Variants in KCNQ1OT1 observed in about 807,000 individuals in gnomAD.
The protein encoded by KCNQ1OT1 is KCNQ1 antisense RNA 2 (non-protein coding).
Position 2,647,238 on chromosome 11 carries a change from T to A in KCNQ1OT1, n.52757A>T, listed in dbSNP as rs1849680334. ...CTGCATCTATTGAGATGATCATGTATTTTTTTGTCCTTCCTTCTGTTAATG... is the reference window on the plus strand; with the variant it reads ...CTGCATCTATTGAGATGATCATGTAATTTTTTGTCCTTCCTTCTGTTAATG... On this transcript the variant is annotated non_coding_transcript_exon_variant, in exon 1 of 1. Coordinates refer to ENST00000597346, the Ensembl canonical transcript of KCNQ1OT1. The surrounding 1 kb of genome is among the most constrained non-coding windows in gnomAD (Gnocchi z 4.0). 2.5e-6 allele frequency: 1 copy of A among 398,346 alleles called. No homozygotes were observed. Among genetic ancestry groups the A allele is most frequent in the Admixed American group, 4.4e-5 (1 of 22,704 alleles). 24.7% of individuals were successfully genotyped at this position (398,346 alleles called of 1,614,324 possible). A position where few individuals can be genotyped will look rare whatever the true frequency, so the allele number is the denominator to read the frequency against.
In KCNQ1OT1 at chr11:2,628,910, A is replaced by T. The variant is rs189671984; in HGVS notation, n.71085T>A. 4.5e-5 allele frequency: 18 copies of T among 398,362 alleles called. No homozygotes were observed. The Admixed American group carries it at 6.6e-4, about 15-fold the overall frequency. The allele number at this position is 398,362 out of a possible 1,614,324, so 24.7% of individuals were successfully genotyped here. A position where few individuals can be genotyped will look rare whatever the true frequency, so the allele number is the denominator to read the frequency against. ...TGTGTACTCTTGGTGTCTTTGTCAA[A>T]GATTAGTTGACCATAAATGTGTGGG... is the stretch of plus-strand genomic sequence containing the variant. On this transcript the variant is annotated non_coding_transcript_exon_variant, in exon 1 of 1. Coordinates refer to ENST00000597346, the Ensembl canonical transcript of KCNQ1OT1.
In KCNQ1OT1 at chr11:2,617,141, T is replaced by C. The variant is rs1382602812; in HGVS notation, n.82854A>G. 2.5e-6 allele frequency: 1 copy of C among 398,274 alleles called. No homozygotes were observed. The highest frequency in any genetic ancestry group is 4.4e-6 in the Non-Finnish European group (1 of 225,932). 24.7% of individuals were successfully genotyped at this position (398,274 alleles called of 1,614,324 possible). On this transcript the variant is annotated non_coding_transcript_exon_variant, in exon 1 of 1. Coordinates refer to ENST00000597346, the Ensembl canonical transcript of KCNQ1OT1. The surrounding 1 kb of genome is among the most constrained non-coding windows in gnomAD (Gnocchi z 4.6). ...AAAATTCCAAATGCAATATACTAAC[T>C]ATTCTCATGTTCTACATGAGATCTC...
Position 2,664,901 on chromosome 11 carries a change from C to G in KCNQ1OT1, n.35094G>C. On this transcript the variant is annotated non_coding_transcript_exon_variant, in exon 1 of 1. Transcript: ENST00000597346. This position sits in a 1 kb window ranked among gnomAD's most constrained non-coding sequence, Gnocchi z 5.1. Reference sequence around the variant, plus strand: ...ACATAAATAAAGACACATTTTGTTTCCATCTCGAGCTCTCCCCGCCCGCAG... The same window carrying G: ...ACATAAATAAAGACACATTTTGTTTGCATCTCGAGCTCTCCCCGCCCGCAG... The G allele has an allele frequency of 2.5e-6, 1 of 398,674 alleles. No individual in the cohort carries two copies. The highest frequency in any genetic ancestry group is 4.4e-6 in the Non-Finnish European group (1 of 226,086). 24.7% of individuals were successfully genotyped at this position (398,674 alleles called of 1,614,324 possible).
At chr11:2,616,926 T>G (rs1181170485) in exon 1 of KCNQ1OT1, 2 of 397,846 alleles carry the variant, frequency 5.0e-6, no homozygotes, top group Non-Finnish European at 8.9e-6. Flanking sequence ...TCTCTTTTCT[T>G]ATTGGGCTTC....
chr11:2,692,661 G>A (rs910710883), exon 1 of KCNQ1OT1: 8 of 398,522 alleles, frequency 2.0e-5, no homozygotes, highest in African/African-American at 1.0e-4. Flanking sequence ...GGGTGCAAAC[G>A]GTCCTTCAAC....
At chr11:2,646,401 A>G (rs1849666425) in exon 1 of KCNQ1OT1, 2 of 398,430 alleles carry the variant, frequency 5.0e-6, no homozygotes, top group Admixed American at 4.4e-5. Flanking sequence ...TATAGTTTTC[A>G]TTGTGGAAAT....
exon 1 of KCNQ1OT1, chr11:2,632,503 T>C: frequency 2.5e-6 from 1 of 398,448 alleles, no homozygotes; most frequent in East Asian, 3.6e-5. Flanking sequence ...GTTTTTCTTC[T>C]AGGAGTCTTT....
exon 1 of KCNQ1OT1, chr11:2,609,245 G>A: frequency 5.0e-6 from 2 of 398,180 alleles, no homozygotes; most frequent in Non-Finnish European, 8.9e-6. Flanking sequence ...TAATCTCAAA[G>A]TACGTTCCAT....
In KCNQ1OT1 at chr11:2,699,735, C is replaced by T. The variant is rs1034860229; in HGVS notation, n.260G>A. ...GCCGAGGAGTCCCCGGGGAGAACTG[C>T]GCCGAGGAGCCCCCAGAAGAGCGCC... On this transcript the variant is annotated non_coding_transcript_exon_variant, in exon 1 of 1. Transcript: ENST00000597346. 8 of 344,510 alleles carry T rather than the reference C, an allele frequency of 2.3e-5. No individual in the cohort carries two copies. The East Asian group carries it at 2.6e-4, about 11-fold the overall frequency. The allele number at this position is 344,510 out of a possible 1,614,324, so 21.3% of individuals were successfully genotyped here.
Position 2,611,064 on chromosome 11 carries a change from T to A in KCNQ1OT1, n.88931A>T, listed in dbSNP as rs1337193808. 5.0e-6 allele frequency: 2 copies of A among 398,434 alleles called. No homozygotes were observed. Among genetic ancestry groups the A allele is most frequent in the Non-Finnish European group, 8.8e-6 (2 of 226,070 alleles). The allele number at this position is 398,434 out of a possible 1,614,324, so 24.7% of individuals were successfully genotyped here. Reference sequence around the variant, plus strand: ...AGTTTTATTTCATATACTTCAGGGCTGTGTTTTTAGCTGTTATAAATTTTT... The same window carrying A: ...AGTTTTATTTCATATACTTCAGGGCAGTGTTTTTAGCTGTTATAAATTTTT... On this transcript the variant is annotated non_coding_transcript_exon_variant, in exon 1 of 1. Transcript: ENST00000597346. The surrounding 1 kb of genome is among the most constrained non-coding windows in gnomAD (Gnocchi z 5.3).
chr11:2,649,919 C>T (rs1181808597), exon 1 of KCNQ1OT1: 17 of 398,292 alleles, frequency 4.3e-5, no homozygotes, highest in Non-Finnish European at 6.2e-5. Context: ...CTGGAACTCC[C>T]AAAATGTGAA....
exon 1 of KCNQ1OT1, chr11:2,634,955 T>C (rs1416205233): frequency 7.2e-5 from 11 of 152,350 alleles, no homozygotes; most frequent in Admixed American, 1.3e-4. Flanking sequence ...TTTTTTCATG[T>C]GTCTTTTGGC....
In KCNQ1OT1 at chr11:2,687,048, G is replaced by C. The variant is rs1850501886; in HGVS notation, n.12947C>G. ...CTAAAACTCAGCAGTCCCAGCTCTG[G>C]GGGACAAGGACCCACAAAGTGATGC... On this transcript the variant is annotated non_coding_transcript_exon_variant, in exon 1 of 1. Coordinates refer to ENST00000597346, the Ensembl canonical transcript of KCNQ1OT1. The surrounding 1 kb of genome is among the most constrained non-coding windows in gnomAD (Gnocchi z 5.0). 5.0e-6 allele frequency: 2 copies of C among 398,534 alleles called. No individual in the cohort carries two copies. Among genetic ancestry groups the C allele is most frequent in the Admixed American group, 4.4e-5 (1 of 22,720 alleles). 24.7% of individuals were successfully genotyped at this position (398,534 alleles called of 1,614,324 possible).
rs558673037 is a variant in KCNQ1OT1, at chr11:2,674,937, G to A, written n.25058C>T. On this transcript the variant is annotated non_coding_transcript_exon_variant, in exon 1 of 1. Transcript: ENST00000597346. The surrounding 1 kb of genome is among the most constrained non-coding windows in gnomAD (Gnocchi z 5.9). ...CAGCTGCAGAGTTTTTCCAGGCCTC[G>A]CTTCTGGGGCTGACTGGAGCTGTTT... The A allele has an allele frequency of 1.0e-5, 4 of 396,714 alleles. No homozygotes were observed. In the South Asian group the frequency reaches 3.9e-4, roughly 38 times the overall value. 24.6% of individuals were successfully genotyped at this position (396,714 alleles called of 1,614,324 possible). A position where few individuals can be genotyped will look rare whatever the true frequency, so the allele number is the denominator to read the frequency against.
Position 2,624,465 on chromosome 11 carries a change from G to A in KCNQ1OT1, n.75530C>T. ...TATTTCTTTCATGAATCATGCCTTTGGTGTCATATCTAAAAAGCCATCACC... is the reference window on the plus strand; with the variant it reads ...TATTTCTTTCATGAATCATGCCTTTAGTGTCATATCTAAAAAGCCATCACC... On this transcript the variant is annotated non_coding_transcript_exon_variant, in exon 1 of 1. Transcript: ENST00000597346. This position sits in a 1 kb window ranked among gnomAD's most constrained non-coding sequence, Gnocchi z 4.9. 1 of 398,206 alleles carries A rather than the reference G, an allele frequency of 2.5e-6. No homozygotes were observed. The highest frequency in any genetic ancestry group is 4.4e-6 in the Non-Finnish European group (1 of 225,974). 24.7% of individuals were successfully genotyped at this position (398,206 alleles called of 1,614,324 possible).
chr11:2,614,187 T>G (rs990940544), exon 1 of KCNQ1OT1: 5 of 398,458 alleles, frequency 1.3e-5, no homozygotes, highest in Non-Finnish European at 2.2e-5. Context: ...GGTGATTCTC[T>G]GAGGGTGCCA....
chr11:2,656,813 A>G (rs942152722), exon 1 of KCNQ1OT1: 6 of 398,506 alleles, frequency 1.5e-5, no homozygotes, highest in Admixed American at 1.3e-4. Context: ...ATATTCTTCT[A>G]TATTCAGTCA....
Position 2,642,824 on chromosome 11 carries a change from T to C in KCNQ1OT1, n.57171A>G. ...TTACAATAAACTTTCCTCTTAGCATTGCTTTTGCAGTATCCCTTAAGTTTC... is the reference window on the plus strand; with the variant it reads ...TTACAATAAACTTTCCTCTTAGCATCGCTTTTGCAGTATCCCTTAAGTTTC... On this transcript the variant is annotated non_coding_transcript_exon_variant, in exon 1 of 1. Transcript: ENST00000597346. This position sits in a 1 kb window ranked among gnomAD's most constrained non-coding sequence, Gnocchi z 4.3. 2.5e-6 allele frequency: 1 copy of C among 397,920 alleles called. No individual in the cohort carries two copies. The highest frequency in any genetic ancestry group is 4.4e-6 in the Non-Finnish European group (1 of 225,690). 24.6% of individuals were successfully genotyped at this position (397,920 alleles called of 1,614,324 possible). A position where few individuals can be genotyped will look rare whatever the true frequency, so the allele number is the denominator to read the frequency against.
chr11:2,652,893 G>C lies in KCNQ1OT1; in HGVS notation n.47102C>G, dbSNP rs1212220234. On this transcript the variant is annotated non_coding_transcript_exon_variant, in exon 1 of 1. Transcript: ENST00000597346. The surrounding 1 kb of genome is among the most constrained non-coding windows in gnomAD (Gnocchi z 5.9). The stretch of plus-strand genomic sequence containing the variant: ...AGGAGAAGTGTTTGGGGTGTGGGGT[G>C]TGGTCCTCAGTATCCTAAACTTAGG... The C allele has an allele frequency of 7.5e-6, 3 of 398,522 alleles. No individual in the cohort carries two copies. The allele number at this position is 398,522 out of a possible 1,614,324, so 24.7% of individuals were successfully genotyped here.
Sources: allele counts gnomAD v4.1 joint callset, GRCh38; gene constraint gnomAD v4.1.1; non-coding constraint Gnocchi (gnomAD v3.1); transcripts MANE v1.5; gene names NCBI Gene and HGNC (gene_info 2026-07-23, HGNC 2026-07-21).